Variants in SLC7A3 observed in about 807,000 individuals in gnomAD.
The protein encoded by SLC7A3 is solute carrier family 7 member 3.
In SLC7A3, 3 loss-of-function variants were observed where a neutral mutation model predicts 33.2. That is an observed-to-expected ratio of 0.09 (90% CI 0.04 to 0.23). The LOEUF is 0.23. Ranked by LOEUF, SLC7A3 falls within the 10% of genes least tolerant of loss-of-function variation. The probability of loss-of-function intolerance (pLI) is 1.00; values close to 1 mark genes in which losing one functional copy is unlikely to be tolerated. For synonymous variants in SLC7A3, 193 were observed against 195.1 expected, an observed-to-expected ratio of 0.99 and a Z score of 0.09; for missense variants, 360 against 488.8, an observed-to-expected ratio of 0.74 and a Z score of 2.48.
intron 7 of SLC7A3, 42 bp downstream of exon 7, chrX:70,927,442 G>T (rs781368392): frequency 8.3e-7 from 1 of 1,210,755 alleles, no homozygotes; most frequent in South Asian, 1.8e-5. Context: ...AGTTAAAGAA[G>T]TTGGCGAAAC....
At position 70,926,108 on chromosome X, in the gene SLC7A3, G is replaced by C. The variant is rs2091896203; in HGVS notation, c.1691C>G (p.Ala564Gly). 2.5e-6 allele frequency: 3 copies of C among 1,211,205 alleles called. No homozygotes were observed. The Admixed American group carries it at 6.5e-5, about 26-fold the overall frequency. ...GACCCCAAATCGGGCCCAGGTACCA[G>C]CTGTCATCTGCATCATAAGGTAAAT... ...VNIYLMMQMT[A>G]GTWARFGVWM... The change falls in exon 11 of 12, where the codon GCT (alanine) becomes GGT (glycine). Residue 564 changes from alanine (A) to glycine (G), a missense_variant. Ala to Gly is a moderately conservative substitution (Grantham distance 60, BLOSUM62 0). Transcript: ENST00000374299.
At position 70,927,981 on chromosome X, in the gene SLC7A3, C is replaced by A; in HGVS notation, c.860G>T (p.Gly287Val). 1 of 1,211,410 alleles carries A rather than the reference C, an allele frequency of 8.3e-7. No homozygotes were observed. Among genetic ancestry groups the A allele is most frequent in the Non-Finnish European group, 1.1e-6 (1 of 895,428 alleles). Residue 287 changes from glycine to valine, a missense_variant, in exon 6 of 12, where the codon GGC becomes GTC. Gly to Val is a moderately radical substitution (Grantham distance 109). Coordinates refer to ENST00000374299, the MANE Select transcript of SLC7A3 (RefSeq NM_032803.6). ...GCAGACAGACAGTGAGATCACAATG[C>A]CCATCGGGATGGAACGCTGGGGATT... ...AQNPQRSIPMGIVISLSVCFL... is the reference protein window; with the variant it reads ...AQNPQRSIPMVIVISLSVCFL...
chrX:70,930,566 G>A (rs918359245), intron 1 of SLC7A3, among the ~76,000 whole-genome samples: 1 of 112,021 alleles, frequency 8.9e-6, no homozygotes, highest in African/African-American at 3.2e-5. Flanking sequence ...CTCAACTAGC[G>A]CAGCTGTCGC....
At chrX:70,930,115 G>T in intron 1 of SLC7A3, 93 bp from the exon 2 acceptor site, 1 of 923,721 alleles carries the variant, frequency 1.1e-6, no homozygotes, top group Non-Finnish European at 1.5e-6. Context: ...AAGCAAAGGA[G>T]CTATTGGGAA....
intron 1 of SLC7A3, 28 bp from the exon 2 acceptor site, chrX:70,930,050 C>A (rs2091907558): frequency 8.7e-7 from 1 of 1,149,197 alleles, no homozygotes; most frequent in Non-Finnish European, 1.2e-6. Context: ...AAAAACCCCT[C>A]GACAGGGCTC....
At chrX:70,927,743 GAATGCTAT>G in intron 6 of SLC7A3, 47 bp downstream of exon 6, 1 of 1,154,194 alleles carries the variant, frequency 8.7e-7, no homozygotes, top group Non-Finnish European at 1.2e-6. Flanking sequence ...CTCTGGTACT[GAATGCTAT>G]AACCTGAGAC....
rs374196651 is a variant in SLC7A3, at chrX:70,927,431, A to C, written c.1184-47T>G. ...CAAGAAATGAGAGAAGGGAGTGGCA[A>C]AGTTAAAGAAGTTGGCGAAACAACT... On this transcript the variant is annotated intron_variant, in intron 7 of 11. Coordinates refer to ENST00000374299, the MANE Select transcript of SLC7A3 (RefSeq NM_032803.6). 6.0e-5 allele frequency: 72 copies of C among 1,208,047 alleles called. No individual in the cohort carries two copies. The African/African-American group carries it at 1.0e-3, about 18-fold the overall frequency.
rs1218037926 is a variant in SLC7A3, at chrX:70,929,525, T to C, written c.370+103A>G. 46 of 975,480 alleles carry C rather than the reference T, an allele frequency of 4.7e-5. 1 individual carries two copies. The highest frequency in any genetic ancestry group is 5.8e-5 in the Non-Finnish European group (43 of 742,897). The allele number at this position is 975,480 out of a possible 1,213,427, so 80.4% of individuals were successfully genotyped here. On this transcript the variant is annotated intron_variant, in intron 2 of 11. Transcript: ENST00000374299. ...CAGCAAACCCGCACATTTAGGGAGA[T>C]TGAGGTCCTGTGAATAATATAAAGA...
chrX:70,928,500 T>C lies in SLC7A3; in HGVS notation c.663A>G (p.Glu221=). 8.3e-7 allele frequency: 1 copy of C among 1,204,914 alleles called. No homozygotes were observed. The highest frequency in any genetic ancestry group is 1.1e-6 in the Non-Finnish European group (1 of 892,002). ...KGDVHNWKLT[E]EDYELAMAEL... ...CAGCCATGGCCAATTCGTAGTCCTC[T>C]TCTGTGAGCTTCCAGTTGTGCACGT... Residue 221 remains glutamate (E), a synonymous_variant, in exon 4 of 12, where the codon GAA becomes GAG. Coordinates refer to ENST00000374299, the MANE Select transcript of SLC7A3 (RefSeq NM_032803.6).
chrX:70,928,627 A>G lies in SLC7A3; in HGVS notation c.536T>C (p.Leu179Ser). The G allele has an allele frequency of 2.5e-6, 3 of 1,199,836 alleles. No homozygotes were observed. The highest frequency in any genetic ancestry group is 3.4e-6 in the Non-Finnish European group (3 of 889,574). ...GGCCGACTCACTAGCCCCGAGAGCCAACAATCCTGTGGGAGAAATGCATTC... is the reference window on the plus strand; with the variant it reads ...GGCCGACTCACTAGCCCCGAGAGCCGACAATCCTGTGGGAGAAATGCATTC... ...LGLVLLLTGL[L>S]ALGASESALV... Residue 179 changes from leucine (L) to serine (S), a missense_variant, in exon 4 of 12, where the codon TTG becomes TCG. Transcript: ENST00000374299.
In SLC7A3 at chrX:70,926,591, A is replaced by T; in HGVS notation, c.1556T>A (p.Leu519His). ...GATGACCACAATGATCCCAATAATG[A>T]GCAGCAGGAGCAGCACAACCACTGC... is the stretch of plus-strand genomic sequence containing the variant. ...WTAVVVLLLL[L>H]IIGIIVVIWR... The change falls in exon 10 of 12, where the codon CTC (leucine) becomes CAC (histidine). Residue 519 changes from leucine (L) to histidine (H), a missense_variant. By Grantham distance (99) the Leu-to-His change is moderately conservative. Coordinates refer to ENST00000374299, the MANE Select transcript of SLC7A3 (RefSeq NM_032803.6). 1 of 1,196,214 alleles carries T rather than the reference A, an allele frequency of 8.4e-7. No individual in the cohort carries two copies. Among genetic ancestry groups the T allele is most frequent in the Non-Finnish European group, 1.1e-6 (1 of 887,717 alleles).
rs1158180159 is a variant in SLC7A3, at chrX:70,928,809, C to A, written c.529+35G>T. 2.5e-6 allele frequency: 3 copies of A among 1,205,955 alleles called. No individual in the cohort carries two copies. The South Asian group carries it at 5.3e-5, about 21-fold the overall frequency. On this transcript the variant is annotated intron_variant, in intron 3 of 11. Transcript: ENST00000374299. ...CCCCAAGGACTAGCCCCTCCTGGCC[C>A]AACCCCCACCATTATACCCTGCTCT... is the stretch of plus-strand genomic sequence containing the variant.
chrX:70,930,730 T>G (rs1269802605), intron 1 of SLC7A3, among the ~76,000 whole-genome samples: 3 of 112,092 alleles, frequency 2.7e-5, no homozygotes, highest in Admixed American at 1.9e-4. Flanking sequence ...CGCACTCTCC[T>G]CTCAGCAGAG....
In SLC7A3 at chrX:70,928,571, G is replaced by T; in HGVS notation, c.592C>A (p.Leu198Ile). 8.3e-7 allele frequency: 1 copy of T among 1,206,893 alleles called. No individual in the cohort carries two copies. Among genetic ancestry groups the T allele is most frequent in the South Asian group, 1.8e-5 (1 of 55,875 alleles). ...ATCATGACGAACCCAAGAACCAAAA[G>T]GTTCACGCCTGTGAACACTTTGGTA... ...LVTKVFTGVN[L>I]LVLGFVMISG... The change falls in exon 4 of 12, where the codon CTT becomes ATT. Residue 198 changes from leucine to isoleucine, a missense_variant. By Grantham distance (5) the Leu-to-Ile change is conservative. Transcript: ENST00000374299.
At chrX:70,929,418 A>T (rs188390447) in intron 2 of SLC7A3, among the ~76,000 whole-genome samples, 1 of 111,109 alleles carries the variant, frequency 9.0e-6, no homozygotes, top group East Asian at 2.8e-4. Context: ...AACCAAAACC[A>T]TTCACTTAAT....
At chrX:70,926,406 T>G in intron 10 of SLC7A3, 121 bp downstream of exon 10, 1 of 860,598 alleles carries the variant, frequency 1.2e-6, no homozygotes, top group Non-Finnish European at 1.6e-6. Context: ...CCTAGGTACC[T>G]CCTATATCTT....
chrX:70,928,105 C>G (rs1304712210), intron 5 of SLC7A3, 40 bp downstream of exon 5: 1 of 1,183,815 alleles, frequency 8.4e-7, no homozygotes, highest in South Asian at 1.8e-5. Flanking sequence ...TGGGCACACA[C>G]TGTGCCCAAG....
Position 70,927,850 on chromosome X carries a change from C to A in SLC7A3, c.991G>T (p.Ala331Ser). Residue 331 changes from alanine to serine, a missense_variant, in exon 6 of 12, where the codon GCT (alanine) becomes TCT (serine). Ala to Ser is a moderately conservative substitution (Grantham distance 99). Coordinates refer to ENST00000374299, the MANE Select transcript of SLC7A3 (RefSeq NM_032803.6). ...ACAGCCACAACATAGCGGGCAGGAG[C>A]CCATCCAATGTAGAGAAATGCCTCA... Reference protein sequence around the residue: ...LPEAFLYIGWAPARYVVAVGS... With the variant: ...LPEAFLYIGWSPARYVVAVGS... The A allele has an allele frequency of 8.4e-7, 1 of 1,196,559 alleles. No homozygotes were observed. The highest frequency in any genetic ancestry group is 1.7e-5 in the African/African-American group (1 of 57,651).
intron 1 of SLC7A3, 61 bp from the exon 2 acceptor site, chrX:70,930,083 G>A: frequency 9.4e-7 from 1 of 1,058,223 alleles, no homozygotes; most frequent in East Asian, 3.0e-5. Context: ...CTCTGAAAGC[G>A]AATTACAAGA....
Sources: allele counts gnomAD v4.1 joint callset (sites outside exome capture counted in the v4.1 genomes callset), GRCh38; gene constraint gnomAD v4.1.1; transcripts MANE v1.5; gene names NCBI Gene and HGNC (gene_info 2026-07-23, HGNC 2026-07-21).